COL4A3: variants seen among roughly 807,000 people sequenced by gnomAD.
COL4A3 encodes collagen type IV alpha 3 chain, also known as collagen alpha-3(IV) chain.
COL4A3 carries 135 observed loss-of-function variants against 217.4 expected under a neutral mutation model. That is an observed-to-expected ratio of 0.62 (90% CI 0.54 to 0.72). COL4A3 has a LOEUF of 0.72. Among genes scored for constraint, COL4A3 ranks in the 30% least tolerant of loss-of-function variants. COL4A3 has a pLI of 0.00. For synonymous variants in COL4A3, 690 were observed against 736.3 expected (o/e 0.94, Z 1.02); for missense variants, 1,868 against 2,119.9 (o/e 0.88, Z 2.33).
At chr2:227,233,849 T>C (rs2068544173) in intron 1 of COL4A3, among the ~76,000 whole-genome samples, 1 of 152,012 alleles carries the variant, frequency 6.6e-6, no homozygotes, top group Non-Finnish European at 1.5e-5. Flanking sequence ...TATGGATTCT[T>C]GCAACTGTGA....
rs1345448587 is a variant in COL4A3 at position 227,189,978 on chromosome 2, GA to G, written c.87+25166del. On this transcript the variant is annotated intron_variant, in intron 1 of 51. Coordinates refer to ENST00000396578, the MANE Select transcript of COL4A3 (RefSeq NM_000091.5). ...AAGTTTCCTTTCCCAGAAATCATCA[GA>G]GAAAAACTTTGGAGTTGCATGCTCT... Among the ~76,000 whole-genome samples the G allele has an allele frequency of 5.9e-5, 9 of 152,188 alleles. No individual in the cohort carries two copies. In the East Asian group the frequency reaches 1.7e-3, roughly 29 times the overall value.
rs1258967071 is a variant in COL4A3, at chr2:227,272,991, C to T, written c.1801C>T (p.Pro601Ser). Reference sequence around the variant, plus strand: ...AGGGGACCAAGGTCCTCCAGGGGATCCTGGCTCCCCTGGGTCCCCAGGACC... The same window carrying T: ...AGGGGACCAAGGTCCTCCAGGGGATTCTGGCTCCCCTGGGTCCCCAGGACC... ...EKGDQGPPGD[P>S]GSPGSPGPAG... The change falls in exon 26 of 52, where the codon CCT (proline) becomes TCT (serine). Residue 601 changes from proline to serine, a missense_variant. Physicochemically the swap from Pro to Ser is moderately conservative, Grantham distance 74 (BLOSUM62 -1). This residue lies in a region of COL4A3 where 1,503 missense variants were observed against 1,786.1 expected (regional missense o/e 0.84). Transcript: ENST00000396578. 2 of 1,614,100 alleles carry T rather than the reference C, an allele frequency of 1.2e-6. No homozygotes were observed. The highest frequency in any genetic ancestry group is 1.7e-6 in the Non-Finnish European group (2 of 1,179,990).
chr2:227,286,164 T>G (rs2072310250), intron 34 of COL4A3, among the ~76,000 whole-genome samples: 1 of 152,178 alleles, frequency 6.6e-6, no homozygotes. Context: ...TGTTCCAAGT[T>G]TTACAACTAT....
In COL4A3 at chr2:227,293,253, T is replaced by C; in HGVS notation, c.3273T>C (p.Pro1091=). ...KKGEMGQPGP[P]GHLGPAGPEG... ...GAGAAATGGGGCAACCTGGCCCACC[T>C]GGACATTTGGGGCCTGCTGGACCTG... The change falls in exon 38 of 52, where the codon CCT becomes CCC. Residue 1091 remains proline, a synonymous_variant. Coordinates refer to ENST00000396578, the MANE Select transcript of COL4A3 (RefSeq NM_000091.5). 1 of 1,613,932 alleles carries C rather than the reference T, an allele frequency of 6.2e-7. No homozygotes were observed. The highest frequency in any genetic ancestry group is 8.5e-7 in the Non-Finnish European group (1 of 1,180,030).
intron 1 of COL4A3, chr2:227,221,202 TC>T (rs1332217805): frequency 1.3e-5 from 2 of 152,238 alleles, no homozygotes; most frequent in Admixed American, 6.5e-5. Context: ...TGTCACTGGT[TC>T]CCCTGTAAGA....
chr2:227,260,496 A>G (rs1358193162), intron 19 of COL4A3, among the ~76,000 whole-genome samples: 1 of 152,216 alleles, frequency 6.6e-6, no homozygotes, highest in East Asian at 1.9e-4. Flanking sequence ...GACTAGTCCA[A>G]TGTGCAGCCA....
At position 227,270,898 on chromosome 2, in the gene COL4A3, T is replaced by C; in HGVS notation, c.1704T>C (p.Asp568=). The C allele has an allele frequency of 6.2e-7, 1 of 1,614,186 alleles. No homozygotes were observed. The highest frequency in any genetic ancestry group is 1.1e-5 in the South Asian group (1 of 91,082). ...LRGQPGRKGL[D]GIPGTPGVKG... ...GCCAACCTGGGAGAAAGGGCTTGGA[T>C]GGAATTCCTGGAACTCCGGGAGTGA... Residue 568 remains aspartate (D), a synonymous_variant, in exon 25 of 52, where the codon GAT becomes GAC. Coordinates refer to ENST00000396578, the MANE Select transcript of COL4A3 (RefSeq NM_000091.5).
At chr2:227,291,419 C>T (rs1398106800) in intron 37 of COL4A3, among the ~76,000 whole-genome samples, 2 of 151,070 alleles carry the variant, frequency 1.3e-5, no homozygotes, top group South Asian at 2.1e-4. Flanking sequence ...AAAAATTAGC[C>T]GGGCGTTTTG....
chr2:227,295,430 G>A, intron 41 of COL4A3, 114 bp downstream of exon 41: 1 of 881,340 alleles, frequency 1.1e-6, no homozygotes, highest in Middle Eastern at 2.9e-4. Context: ...TGTTCCAATA[G>A]TAATACAGGA....
intron 14 of COL4A3, 112 bp from the exon 15 acceptor site, chr2:227,254,544 C>G: frequency 2.3e-6 from 2 of 888,190 alleles, no homozygotes; most frequent in Non-Finnish European, 3.8e-6. Context: ...TGGCTCAGCA[C>G]TGAAACATGT....
chr2:227,253,560 G>A lies in COL4A3; in HGVS notation c.688-1G>A, dbSNP rs2069929443. ...TCACTCCTGAGTGTTTTTGTCTTTA[G>A]GGTGTGAAAGGGTTAACAGGACCCC... is the stretch of plus-strand genomic sequence containing the variant. On this transcript the variant is annotated splice_acceptor_variant, in intron 12 of 51. Transcript: ENST00000396578. LOFTEE classifies it high-confidence loss of function. This position sits in a 1 kb window ranked among gnomAD's most constrained non-coding sequence, Gnocchi z 4.4. 6.2e-7 allele frequency: 1 copy of A among 1,613,162 alleles called. No individual in the cohort carries two copies. Among genetic ancestry groups the A allele is most frequent in the Non-Finnish European group, 8.5e-7 (1 of 1,179,172 alleles).
At chr2:227,274,549 A>G (rs1056575132) in intron 26 of COL4A3, among the ~76,000 whole-genome samples, 2 of 150,780 alleles carry the variant, frequency 1.3e-5, no homozygotes, top group African/African-American at 4.9e-5. Flanking sequence ...CCCAGGCTGG[A>G]GAGCAATGGC....
rs749935887 is a variant in COL4A3, at chr2:227,303,907, C to A, written c.4004C>A (p.Pro1335Gln). The A allele has an allele frequency of 4.3e-6, 7 of 1,614,204 alleles. No homozygotes were observed. The South Asian group carries it at 6.6e-5, about 15-fold the overall frequency. ...GFLGSIGPPG[P>Q]IGPKGPPGVR... is the part of the protein sequence containing the mutation. ...CTAGGATCCATTGGACCTCCAGGAC[C>A]AATTGGGCCAAAAGGACCACCTGGT... Residue 1335 changes from proline to glutamine, a missense_variant, in exon 45 of 52, where the codon CCA becomes CAA. Physicochemically the swap from Pro to Gln is moderately conservative, Grantham distance 76. This residue lies in a region of COL4A3 where 1,503 missense variants were observed against 1,786.1 expected (regional missense o/e 0.84). Transcript: ENST00000396578.
intron 23 of COL4A3, among the ~76,000 whole-genome samples, chr2:227,267,509 T>G (rs2070974210): frequency 2.6e-5 from 4 of 152,238 alleles, no homozygotes. Flanking sequence ...TAGAAAAATG[T>G]GGTATTTCAC....
In COL4A3 at chr2:227,247,575, AG is replaced by A; in HGVS notation, c.461del (p.Gly154AspfsTer12). 1.2e-6 allele frequency: 2 copies of A among 1,614,108 alleles called. No individual in the cohort carries two copies. Among genetic ancestry groups the A allele is most frequent in the Non-Finnish European group, 1.7e-6 (2 of 1,179,980 alleles). On this transcript the variant is annotated frameshift_variant, in exon 8 of 52. Coordinates refer to ENST00000396578, the MANE Select transcript of COL4A3 (RefSeq NM_000091.5). LOFTEE classifies it high-confidence loss of function. ...TTTCCTAGGGTGCTGCTGGTTTGAA[AG>A]GACAAAAGGTAAGTCATTGGTGGAA... The part of the protein sequence containing the change: ...PGIPGAAGLK[G>X]QKGAPAKEED...
chr2:227,287,793 G>A (rs1413392498), intron 34 of COL4A3, among the ~76,000 whole-genome samples: 1 of 152,134 alleles, frequency 6.6e-6, no homozygotes, highest in Non-Finnish European at 1.5e-5. Context: ...CCCAACTCTA[G>A]TATAGAGTTT....
At chr2:227,175,503 G>A (rs1469243649) in intron 1 of COL4A3, among the ~76,000 whole-genome samples, 1 of 152,028 alleles carries the variant, frequency 6.6e-6, no homozygotes, top group African/African-American at 2.4e-5. Flanking sequence ...AAGACAAACA[G>A]AGCTTTTGAA....
chr2:227,300,924 G>T (rs1226446157), intron 43 of COL4A3, among the ~76,000 whole-genome samples: 2 of 152,032 alleles, frequency 1.3e-5, no homozygotes, highest in Non-Finnish European at 2.9e-5. Flanking sequence ...GGAGCTTTCT[G>T]AGCAAAATGA....
chr2:227,164,791 C>T lies in COL4A3; in HGVS notation c.65C>T (p.Ala22Val). ...LLLPLLLVLL[A>V]AAPAASKGCV... ...CTGCCGCTCCTGCTGGTGCTCCTGG[C>T]GGCGGCGCCCGCAGCCAGCAAGGTG... Residue 22 changes from alanine to valine, a missense_variant, in exon 1 of 52, where the codon GCG becomes GTG. By Grantham distance (64) the Ala-to-Val change is moderately conservative. Transcript: ENST00000396578. This position sits in a 1 kb window ranked among gnomAD's most constrained non-coding sequence, Gnocchi z 4.8. 6.6e-7 allele frequency: 1 copy of T among 1,519,062 alleles called. No homozygotes were observed. The highest frequency in any genetic ancestry group is 1.2e-5 in the South Asian group (1 of 82,544). The allele number at this position is 1,519,062 out of a possible 1,614,324, so 94.1% of individuals were successfully genotyped here.
Sources: gnomAD v4.1 joint callset for allele counts (sites outside exome capture counted in the v4.1 genomes callset) on GRCh38, gnomAD v4.1.1 for gene constraint, gnomAD v4.1.1 regional missense constraint, Gnocchi (gnomAD v3.1) non-coding constraint, MANE v1.5 for transcripts, NCBI Gene and HGNC (gene_info 2026-07-23, HGNC 2026-07-21) for gene names.